The following DLX2 variants were observed in gnomAD, a reference collection of about 807,000 sequenced individuals.
DLX2 encodes the protein homeobox protein DLX-2.
Under a neutral mutation model 27.4 loss-of-function variants are expected in DLX2, and 8 were observed. The ratio of observed to expected loss-of-function variants is 0.29; its 90% CI spans 0.17 to 0.53. DLX2 has a LOEUF of 0.53. DLX2 is among the 20% of genes least tolerant of loss of function. The pLI, the probability that DLX2 is intolerant of heterozygous loss-of-function variation, is 0.96. For missense variants in DLX2, 421 were observed against 450.9 expected, an observed-to-expected ratio of 0.93 and a Z score of 0.60; for synonymous variants, 210 against 200.8, an observed-to-expected ratio of 1.05 and a Z score of -0.39.
rs1325103506 is a variant in DLX2, at chr2:172,100,766, G to T, written c.764C>A (p.Pro255Gln). The T allele has an allele frequency of 6.3e-7, 1 of 1,575,200 alleles. No individual in the cohort carries two copies. The part of the protein sequence containing the change: ...VPQRMAGGGG[P>Q]GSGGSGAGSS... The stretch of plus-strand genomic sequence containing the variant: ...GCCGGCGCCGCTGCCGCCACTGCCC[G>T]GACCACCGCCGCCCGCCATCCGCTG... Residue 255 changes from proline to glutamine, a missense_variant, in exon 3 of 3, where the codon CCG (proline) becomes CAG (glutamine). Physicochemically the swap from Pro to Gln is moderately conservative, Grantham distance 76 (BLOSUM62 -1). Transcript: ENST00000234198. The surrounding 1 kb of genome is among the most constrained non-coding windows in gnomAD (Gnocchi z 4.5).
chr2:172,100,393 G>C lies in DLX2; in HGVS notation c.*150C>G, dbSNP rs1230325983. On this transcript the variant is annotated 3_prime_UTR_variant, in exon 3 of 3. Coordinates refer to ENST00000234198, the MANE Select transcript of DLX2 (RefSeq NM_004405.4). This position sits in a 1 kb window ranked among gnomAD's most constrained non-coding sequence, Gnocchi z 4.5. ...AGGGGCCCGTTTGGTGGCCCCGGGA[G>C]TGAGCAGGGCCTGAGACGGGCCACT... 4 of 831,332 alleles carry C rather than the reference G, an allele frequency of 4.8e-6. No individual in the cohort carries two copies. The East Asian group carries it at 9.6e-5, about 20-fold the overall frequency. The allele number at this position is 831,332 out of a possible 1,614,324, so 51.5% of individuals were successfully genotyped here.
chr2:172,102,094 T>C, intron 1 of DLX2, 45 bp downstream of exon 1: 1 of 1,582,476 alleles, frequency 6.3e-7, no homozygotes, highest in Non-Finnish European at 8.6e-7. Context: ...ATCCATCCCA[T>C]TAACTAGACC....
intron 1 of DLX2, among the ~76,000 whole-genome samples, chr2:172,101,858 C>T (rs928422765): frequency 6.6e-6 from 1 of 152,250 alleles, no homozygotes; most frequent in African/African-American, 2.4e-5. Flanking sequence ...GACAAGTGCA[C>T]ACCCAAGAGA....
At position 172,102,759 on chromosome 2, in the gene DLX2, T is replaced by A; in HGVS notation, c.-221A>T. The A allele has an allele frequency of 3.7e-6, 1 of 267,784 alleles. No individual in the cohort carries two copies. The highest frequency in any genetic ancestry group is 6.7e-6 in the Non-Finnish European group (1 of 148,454). The allele number at this position is 267,784 out of a possible 1,614,324, so 16.6% of individuals were successfully genotyped here. On this transcript the variant is annotated 5_prime_UTR_variant, in exon 1 of 3. Transcript: ENST00000234198. ...TCTGGTCGCATCCTCTTTCGGCCTC[T>A]GGGCCCGCTCGGCTCCTTGCCCAGC...
chr2:172,100,299 G>A lies in DLX2; in HGVS notation c.*244C>T. ...GCGGGGCTCGAAACAGCCGAGACCCGGGGCTCAGGTCAGAAATGCGGCCTT... is the reference window on the plus strand; with the variant it reads ...GCGGGGCTCGAAACAGCCGAGACCCAGGGCTCAGGTCAGAAATGCGGCCTT... On this transcript the variant is annotated 3_prime_UTR_variant, in exon 3 of 3. Coordinates refer to ENST00000234198, the MANE Select transcript of DLX2 (RefSeq NM_004405.4). This position sits in a 1 kb window ranked among gnomAD's most constrained non-coding sequence, Gnocchi z 4.5. The A allele has an allele frequency of 2.4e-6, 1 of 416,330 alleles. No homozygotes were observed. The highest frequency in any genetic ancestry group is 4.4e-5 in the Admixed American group (1 of 22,570). The allele number at this position is 416,330 out of a possible 1,614,324, so 25.8% of individuals were successfully genotyped here.
Position 172,101,455 on chromosome 2 carries a change from G to C in DLX2, c.585+7C>G. 6.3e-7 allele frequency: 1 copy of C among 1,594,224 alleles called. No individual in the cohort carries two copies. Among genetic ancestry groups the C allele is most frequent in the Non-Finnish European group, 8.5e-7 (1 of 1,169,844 alleles). On this transcript the variant is annotated splice_region_variant and intron_variant, in intron 2 of 2. Coordinates refer to ENST00000234198, the MANE Select transcript of DLX2 (RefSeq NM_004405.4). ...CTCTCCTCGCCCCTGCAGGGCGCGA[G>C]CCCCACCTGAGTCTGGGTGAGGCCC...
In DLX2 at chr2:172,101,603, C is replaced by A; in HGVS notation, c.444G>T (p.Lys148Asn). ...LEPEIRIVNG[K>N]PKKVRKPRTI... ...TGCGGGGTTTCCGGACTTTCTTTGG[C>A]TTCCCGTTCACTATCCGAATTTCAG... Residue 148 changes from lysine to asparagine, a missense_variant, in exon 2 of 3, where the codon AAG becomes AAT. By Grantham distance (94) the Lys-to-Asn change is moderately conservative (BLOSUM62 0). Transcript: ENST00000234198. The A allele has an allele frequency of 6.2e-7, 1 of 1,614,256 alleles. No individual in the cohort carries two copies. Among genetic ancestry groups the A allele is most frequent in the Non-Finnish European group, 8.5e-7 (1 of 1,180,040 alleles).
rs1691156526 is a variant in DLX2 at position 172,101,467 on chromosome 2, T to C, written c.580A>G (p.Thr194Ala). ...CTGCAGGGCGCGAGCCCCACCTGAG[T>C]CTGGGTGAGGCCCAGAGAGGCCGCC... ...ELAASLGLTQTQVKIWFQNRR... is the reference protein window; with the variant it reads ...ELAASLGLTQAQVKIWFQNRR... The change falls in exon 2 of 3, where the codon ACT (threonine) becomes GCT (alanine). Residue 194 changes from threonine to alanine, a missense_variant. Around this residue, in one of 5 missense-constraint regions of DLX2, gnomAD observed 36 missense variants for 73.6 expected, o/e 0.49. Transcript: ENST00000234198. 4 of 1,600,856 alleles carry C rather than the reference T, an allele frequency of 2.5e-6. No homozygotes were observed. Among genetic ancestry groups the C allele is most frequent in the Non-Finnish European group, 3.4e-6 (4 of 1,173,524 alleles).
chr2:172,101,023 G>A (rs1354352498), intron 2 of DLX2, 79 bp from the exon 3 acceptor site: 1 of 1,508,340 alleles, frequency 6.6e-7, no homozygotes. Flanking sequence ...GAAAAAAGAA[G>A]GCAGAGAAAA....
In DLX2 at chr2:172,100,856, C is replaced by T; in HGVS notation, c.674G>A (p.Ser225Asn). The T allele has an allele frequency of 1.2e-6, 2 of 1,612,752 alleles. No homozygotes were observed. Among genetic ancestry groups the T allele is most frequent in the Non-Finnish European group, 8.5e-7 (1 of 1,179,832 alleles). Residue 225 changes from serine to asparagine, a missense_variant, in exon 3 of 3, where the codon AGC (serine) becomes AAC (asparagine). Around this residue, in one of 5 missense-constraint regions of DLX2, gnomAD observed 185 missense variants for 171.1 expected, o/e 1.08. Transcript: ENST00000234198. The surrounding 1 kb of genome is among the most constrained non-coding windows in gnomAD (Gnocchi z 4.5). ...EIPSEQHPGA[S>N]ASPPCASPPV... ...CGGCGAAGCACAAGGTGGAGAAGCG[C>T]TGGCCCCAGGGTGCTGCTCCGAGGG...
Position 172,100,824 on chromosome 2 carries a change from A to T in DLX2, c.706T>A (p.Ser236Thr). 10 of 1,610,658 alleles carry T rather than the reference A, an allele frequency of 6.2e-6. No individual in the cohort carries two copies. Among genetic ancestry groups the T allele is most frequent in the Non-Finnish European group, 7.6e-6 (9 of 1,179,032 alleles). Reference protein sequence around the residue: ...ASPPCASPPVSAPASWDFGVP... With the variant: ...ASPPCASPPVTAPASWDFGVP... ...CCAAAGTCCCAGGAGGCCGGCGCTGAGACTGGCGGCGAAGCACAAGGTGGA... is the reference window on the plus strand; with the variant it reads ...CCAAAGTCCCAGGAGGCCGGCGCTGTGACTGGCGGCGAAGCACAAGGTGGA... Residue 236 changes from serine to threonine, a missense_variant, in exon 3 of 3, where the codon TCA (serine) becomes ACA (threonine). Around this residue, in one of 5 missense-constraint regions of DLX2, gnomAD observed 185 missense variants for 171.1 expected, o/e 1.08. Transcript: ENST00000234198. The surrounding 1 kb of genome is among the most constrained non-coding windows in gnomAD (Gnocchi z 4.5).
chr2:172,101,179 G>T (rs902062603), intron 2 of DLX2: 14 of 615,318 alleles, frequency 2.3e-5, no homozygotes, highest in Non-Finnish European at 3.7e-5. Flanking sequence ...TGTGATGATG[G>T]TGACAGCGGG....
Position 172,102,595 on chromosome 2 carries a change from C to T in DLX2, c.-57G>A. The T allele has an allele frequency of 1.4e-6, 2 of 1,443,574 alleles. No individual in the cohort carries two copies. Among genetic ancestry groups the T allele is most frequent in the Non-Finnish European group, 1.8e-6 (2 of 1,090,882 alleles). 89.4% of individuals were successfully genotyped at this position (1,443,574 alleles called of 1,614,324 possible). A position where few individuals can be genotyped will look rare whatever the true frequency, so the allele number is the denominator to read the frequency against. On this transcript the variant is annotated 5_prime_UTR_variant, in exon 1 of 3. Transcript: ENST00000234198. ...CGGGCGTGCGGGGGAAGCCAGGCGC[C>T]TCCTCTGTCTCTCCCGGTCCCCTCC...
intron 1 of DLX2, 28 bp downstream of exon 1, chr2:172,102,111 G>A: frequency 6.2e-7 from 1 of 1,600,752 alleles, no homozygotes; most frequent in Non-Finnish European, 8.5e-7. Context: ...GACCGACTCG[G>A]CACTCTTGAC....
chr2:172,101,478 C>G lies in DLX2; in HGVS notation c.569G>C (p.Gly190Ala), dbSNP rs1322885838. The G allele has an allele frequency of 1.2e-6, 2 of 1,605,376 alleles. No individual in the cohort carries two copies. Among genetic ancestry groups the G allele is most frequent in the South Asian group, 2.2e-5 (2 of 90,082 alleles). Reference sequence around the variant, plus strand: ...GAGCCCCACCTGAGTCTGGGTGAGGCCCAGAGAGGCCGCCAGCTCGGCTCG... The same window carrying G: ...GAGCCCCACCTGAGTCTGGGTGAGGGCCAGAGAGGCCGCCAGCTCGGCTCG... ...PERAELAASLGLTQTQVKIWF... is the reference protein window; with the variant it reads ...PERAELAASLALTQTQVKIWF... The change falls in exon 2 of 3, where the codon GGC becomes GCC. Residue 190 changes from glycine to alanine, a missense_variant. Gly to Ala is a moderately conservative substitution (Grantham distance 60). Around this residue, in one of 5 missense-constraint regions of DLX2, gnomAD observed 36 missense variants for 73.6 expected, o/e 0.49. Transcript: ENST00000234198.
chr2:172,101,881 G>T (rs367836349), intron 1 of DLX2, among the ~76,000 whole-genome samples: 2 of 152,240 alleles, frequency 1.3e-5, no homozygotes, highest in South Asian at 4.1e-4. Flanking sequence ...GAAGCTGGTG[G>T]CAAGGAGATG....
rs73020503 is a variant in DLX2, at chr2:172,102,284, C to T, written c.255G>A (p.Ala85=). The T allele has an allele frequency of 3.1e-6, 5 of 1,612,880 alleles. No homozygotes were observed. Among genetic ancestry groups the T allele is most frequent in the East Asian group, 2.2e-5 (1 of 44,806 alleles). Reference sequence around the variant, plus strand: ...CTTGGTACTGGTAGGAACCCATGTGCGCGTAGGGCGAGCCCCCGCCGCCGC... The same window carrying T: ...CTTGGTACTGGTAGGAACCCATGTGTGCGTAGGGCGAGCCCCCGCCGCCGC... ...GGGGGGGSPY[A]HMGSYQYQAS... Residue 85 remains alanine (A), a synonymous_variant, in exon 1 of 3, where the codon GCG becomes GCA. Transcript: ENST00000234198.
In DLX2 at chr2:172,102,344, G is replaced by A; in HGVS notation, c.195C>T (p.Ser65=). ...TLPVSTATDS[S]YYTNQQHPAG... ...CCGGGTGCTGCTGGTTGGTGTAGTA[G>A]CTGCTGTCGGTGGCGGTGGACACCG... Residue 65 remains serine, a synonymous_variant, in exon 1 of 3, where the codon AGC becomes AGT. Transcript: ENST00000234198. 1.3e-6 allele frequency: 2 copies of A among 1,594,002 alleles called. No individual in the cohort carries two copies. Among genetic ancestry groups the A allele is most frequent in the Non-Finnish European group, 1.7e-6 (2 of 1,169,994 alleles).
Position 172,099,510 on chromosome 2 carries a change from C to G in DLX2, c.*1033G>C, listed in dbSNP as rs888901046. The G allele has an allele frequency of 1.3e-4, 20 of 152,598 alleles. No individual in the cohort carries two copies. The highest frequency in any genetic ancestry group is 3.6e-4 in the African/African-American group (15 of 41,440). 9.5% of individuals were successfully genotyped at this position (152,598 alleles called of 1,614,324 possible). On this transcript the variant is annotated 3_prime_UTR_variant, in exon 3 of 3. Coordinates refer to ENST00000234198, the MANE Select transcript of DLX2 (RefSeq NM_004405.4). ...ATCAACATTAAGAGCATGTTGTTTT[C>G]ATAATAAATAACCCCAAAATACCTT...
Sources: gnomAD v4.1 joint callset for allele counts (sites outside exome capture counted in the v4.1 genomes callset) on GRCh38, gnomAD v4.1.1 for gene constraint, gnomAD v4.1.1 regional missense constraint, Gnocchi (gnomAD v3.1) non-coding constraint, MANE v1.5 for transcripts, NCBI Gene and HGNC (gene_info 2026-07-23, HGNC 2026-07-21) for gene names.